MRTFB: variants seen among roughly 807,000 people sequenced by gnomAD.
The protein encoded by MRTFB is myocardin related transcription factor B.
Under a neutral mutation model 104.2 loss-of-function variants are expected in MRTFB, and 29 were observed. The observed-to-expected ratio is 0.28, with a 90% CI of 0.21 to 0.38. MRTFB has a LOEUF of 0.38. Ranked by LOEUF, MRTFB falls within the 10% of genes least tolerant of loss-of-function variation. The pLI is 1.00. For missense variants in MRTFB, 1,270 were observed against 1,341.6 expected (o/e 0.95, Z 0.83); for synonymous variants, 535 against 519.5 (o/e 1.03, Z -0.41).
Position 14,173,817 on chromosome 16 carries a change from T to C in MRTFB, c.154+33057T>C, listed in dbSNP as rs142257788. 3.7e-3 allele frequency among the ~76,000 whole-genome samples: 567 copies of C among 152,332 alleles called. 3 individuals are homozygous for C. Among genetic ancestry groups the C allele is most frequent in the African/African-American group, 0.013 (535 of 41,580 alleles). ...ATTTTCATTCTTCCATTTTTATTGATGTAATGGTTTACGGATTTGAATTTT... is the reference window on the plus strand; with the variant it reads ...ATTTTCATTCTTCCATTTTTATTGACGTAATGGTTTACGGATTTGAATTTT... On this transcript the variant is annotated intron_variant, in intron 3 of 16. Coordinates refer to ENST00000571589, the MANE Select transcript of MRTFB (RefSeq NM_001308142.2).
At chr16:14,234,741 G>C (rs1453523828) in intron 9 of MRTFB, among the ~76,000 whole-genome samples, 4 of 152,122 alleles carry the variant, frequency 2.6e-5, no homozygotes, top group African/African-American at 9.7e-5. Flanking sequence ...GCTGCAGTGA[G>C]CTGTGATCAC....
intron 3 of MRTFB, among the ~76,000 whole-genome samples, chr16:14,173,128 G>GT (rs1298794194): frequency 2.0e-5 from 3 of 151,794 alleles, no homozygotes; most frequent in Non-Finnish European, 4.4e-5. Context: ...TTTGTTTTTT[G>GT]TTTTTTCTGG....
the MRTFB span, among the ~76,000 whole-genome samples, chr16:14,056,464 G>C: frequency 1.3e-5 from 2 of 152,070 alleles, no homozygotes; most frequent in African/African-American, 4.8e-5. Flanking sequence ...CTCTGGCCAT[G>C]AGGAGCTCTA....
intron 2 of MRTFB, among the ~76,000 whole-genome samples, chr16:14,114,132 G>T (rs191612708): frequency 2.3e-4 from 35 of 152,268 alleles, no homozygotes; most frequent in South Asian, 4.2e-4. Flanking sequence ...TATATTTGTG[G>T]TTGGAAACTT....
At chr16:14,171,571 T>C (rs986616192) in intron 3 of MRTFB, among the ~76,000 whole-genome samples, 8 of 152,068 alleles carry the variant, frequency 5.3e-5, no homozygotes, top group Non-Finnish European at 1.0e-4. Flanking sequence ...AAACCAGATA[T>C]CCTTAATGAT....
intron 1 of MRTFB, among the ~76,000 whole-genome samples, chr16:14,076,614 T>C (rs111505732): frequency 1.1e-3 from 163 of 152,340 alleles, no homozygotes; most frequent in African/African-American, 3.8e-3. Flanking sequence ...CTGAATAACC[T>C]TGTGCACATA....
At chr16:14,014,104 C>T in the MRTFB span, among the ~76,000 whole-genome samples, 1 of 152,178 alleles carries the variant, frequency 6.6e-6, no homozygotes, top group African/African-American at 2.4e-5. Context: ...CCCTCCTCTC[C>T]CCTAGGGCCA....
At chr16:14,217,379 G>T in intron 7 of MRTFB, 92 bp downstream of exon 7, 1 of 1,059,672 alleles carries the variant, frequency 9.4e-7, no homozygotes, top group South Asian at 2.3e-5. Flanking sequence ...AGCACCGATC[G>T]TGAGTATTGT....
chr16:14,248,898 T>G (rs940464621), intron 12 of MRTFB, 28 bp from the exon 13 acceptor site: 4 of 1,608,378 alleles, frequency 2.5e-6, no homozygotes, highest in Non-Finnish European at 3.4e-6. Flanking sequence ...GACAATTAAA[T>G]TGATGTTTTT....
rs1242968644 is a variant in MRTFB, at chr16:14,246,901, A to G, written c.1641A>G (p.Thr547=). Residue 547 remains threonine, a synonymous_variant, in exon 12 of 17, where the codon ACA becomes ACG. Transcript: ENST00000571589. ...QFLSSSPLRM[T]NNEDSLSPTS... Reference sequence around the variant, plus strand: ...TGAGTTCATCTCCTTTGAGAATGACAAATAATGAAGACAGTCTGAGTCCCA... The same window carrying G: ...TGAGTTCATCTCCTTTGAGAATGACGAATAATGAAGACAGTCTGAGTCCCA... The G allele has an allele frequency of 2.5e-6, 4 of 1,613,922 alleles. No individual in the cohort carries two copies. Among genetic ancestry groups the G allele is most frequent in the Non-Finnish European group, 3.4e-6 (4 of 1,180,038 alleles).
the MRTFB span, among the ~76,000 whole-genome samples, chr16:14,065,921 C>T: frequency 1.3e-5 from 2 of 152,100 alleles, no homozygotes; most frequent in Non-Finnish European, 2.9e-5. Context: ...TCTTTCCTAC[C>T]CTTCCATCCA....
intron 8 of MRTFB, 32 bp from the exon 9 acceptor site, chr16:14,234,112 TCA>T: frequency 3.1e-6 from 5 of 1,597,786 alleles, no homozygotes; most frequent in Non-Finnish European, 3.4e-6. Context: ...ATCATTAATT[TCA>T]CAGACTTGTT....
the MRTFB span, among the ~76,000 whole-genome samples, chr16:14,043,053 C>T: frequency 6.6e-6 from 1 of 152,198 alleles, no homozygotes; most frequent in East Asian, 1.9e-4. Flanking sequence ...GGAACGGGTC[C>T]TCTGGGAGAC....
At chr16:14,070,070 T>C (rs75205502), upstream of MRTFB, among the ~76,000 whole-genome samples, 4,818 of 152,252 alleles carry the variant, frequency 0.032, 251 homozygotes, top group African/African-American at 0.1. Context: ...CTGACATTGA[T>C]GTGATTATCA....
intron 15 of MRTFB, 109 bp from the exon 16 acceptor site, chr16:14,257,992 C>A: frequency 2.2e-6 from 2 of 925,382 alleles, no homozygotes; most frequent in Non-Finnish European, 3.3e-6. Context: ...TCAAAATTAT[C>A]ACGATAGATT....
chr16:14,185,078 A>G (rs2039903235), intron 3 of MRTFB, among the ~76,000 whole-genome samples: 1 of 152,192 alleles, frequency 6.6e-6, no homozygotes, highest in Non-Finnish European at 1.5e-5. Context: ...TCTTCAGAAG[A>G]ATGTAGGCGT....
the MRTFB span, among the ~76,000 whole-genome samples, chr16:14,037,030 A>AT: frequency 1.7e-4 from 25 of 150,800 alleles, no homozygotes; most frequent in African/African-American, 5.1e-4. Flanking sequence ...TTTAATTACT[A>AT]TTTTTTTTAA....
intron 2 of MRTFB, among the ~76,000 whole-genome samples, chr16:14,111,727 CAGAG>C: frequency 6.6e-6 from 1 of 152,254 alleles, no homozygotes. Context: ...GCTGAAGCCT[CAGAG>C]AGGTGTTGTG....
chr16:14,243,745 C>T (rs1468215482), intron 10 of MRTFB, among the ~76,000 whole-genome samples: 2 of 152,006 alleles, frequency 1.3e-5, no homozygotes, highest in Non-Finnish European at 2.9e-5. Context: ...AAAATAAATA[C>T]ACTCCTGTAT....
Sources: gnomAD v4.1 joint callset for allele counts (sites outside exome capture counted in the v4.1 genomes callset) on GRCh38, gnomAD v4.1.1 for gene constraint, MANE v1.5 for transcripts, NCBI Gene and HGNC (gene_info 2026-07-23, HGNC 2026-07-21) for gene names.